Variants in WWOX observed in about 807,000 individuals in gnomAD.
The protein encoded by WWOX is WW domain containing oxidoreductase.
In WWOX, 69 loss-of-function variants were observed where a neutral mutation model predicts 46.2. The ratio of observed to expected loss-of-function variants is 1.49; its 90% CI spans 1.23 to 1.82. WWOX has a LOEUF of 1.82. Among genes scored for constraint, WWOX ranks in the 40% most tolerant of loss-of-function variants. WWOX has a pLI of 0.00. For synonymous variants in WWOX, 359 were observed against 202.6 expected (o/e 1.77, Z -6.56); for missense variants, 919 against 542.6 (o/e 1.69, Z -6.89).
rs1214329857 is a variant in WWOX at position 78,353,817 on chromosome 16, C to T, written c.517-33043C>T. ...AAGGTCAGCAGTTAGCGTCAAGTTG[C>T]ACAGCCTGGGCTTGGGTGGCGTTCG... is the stretch of plus-strand genomic sequence containing the variant. On this transcript the variant is annotated intron_variant, in intron 5 of 8. Transcript: ENST00000566780. Among the ~76,000 whole-genome samples, 6 of 152,338 alleles carry T rather than the reference C, an allele frequency of 3.9e-5. 1 individual carries two copies. In the East Asian group the frequency reaches 7.7e-4, roughly 20 times the overall value.
At chr16:78,788,580 G>T (rs1167503178) in intron 8 of WWOX, among the ~76,000 whole-genome samples, 1 of 152,180 alleles carries the variant, frequency 6.6e-6, no homozygotes, top group Non-Finnish European at 1.5e-5. Flanking sequence ...GCCTAGGAAG[G>T]GCTGGAAAGC....
chr16:79,195,888 G>A (rs975513983), intron 8 of WWOX, among the ~76,000 whole-genome samples: 1 of 152,186 alleles, frequency 6.6e-6, no homozygotes, highest in Non-Finnish European at 1.5e-5. Flanking sequence ...CATTTCCTGC[G>A]TCACTGTTTT....
intron 8 of WWOX, among the ~76,000 whole-genome samples, chr16:78,650,192 G>C (rs1479166007): frequency 6.6e-6 from 1 of 152,130 alleles, no homozygotes; most frequent in Admixed American, 6.5e-5. Flanking sequence ...TGCATAAAAA[G>C]GATCTCATTT....
chr16:78,923,309 C>A (rs999095728), intron 8 of WWOX, among the ~76,000 whole-genome samples: 1 of 152,092 alleles, frequency 6.6e-6, no homozygotes, highest in African/African-American at 2.4e-5. Context: ...CTCCTTCTAC[C>A]TTGCCCACCA....
intron 8 of WWOX, chr16:78,553,113 C>G (rs1386101606): frequency 1.3e-5 from 2 of 152,194 alleles, no homozygotes; most frequent in African/African-American, 4.8e-5. Context: ...ACAACACACA[C>G]TGGGGCTTGT....
chr16:78,990,472 G>C (rs967616177), intron 8 of WWOX, among the ~76,000 whole-genome samples: 3 of 152,150 alleles, frequency 2.0e-5, no homozygotes, highest in African/African-American at 7.2e-5. Context: ...AAGGTCAACA[G>C]CTGTGTTACT....
At chr16:78,990,669 AAGAG>A (rs1343042159) in intron 8 of WWOX, among the ~76,000 whole-genome samples, 1 of 152,272 alleles carries the variant, frequency 6.6e-6, no homozygotes, top group African/African-American at 2.4e-5. Flanking sequence ...AGGAAGGAAA[AAGAG>A]AGAGGGAGAA....
intron 8 of WWOX, among the ~76,000 whole-genome samples, chr16:78,581,666 C>T (rs960250278): frequency 2.0e-5 from 3 of 152,090 alleles, no homozygotes; most frequent in African/African-American, 7.2e-5. Context: ...AAATGCTACC[C>T]ATAGATTGAA....
At chr16:78,693,968 C>T (rs930322206) in intron 8 of WWOX, among the ~76,000 whole-genome samples, 1 of 152,176 alleles carries the variant, frequency 6.6e-6, no homozygotes, top group African/African-American at 2.4e-5. Context: ...CGTGGTGGCT[C>T]ATACCTGTAA....
chr16:79,079,548 C>G (rs754333124), intron 8 of WWOX, among the ~76,000 whole-genome samples: 5 of 152,160 alleles, frequency 3.3e-5, no homozygotes, highest in Admixed American at 6.5e-5. Flanking sequence ...TTGCACTTCC[C>G]CTAGTCACCT....
chr16:78,937,295 A>T (rs528430173), intron 8 of WWOX, among the ~76,000 whole-genome samples: 36 of 152,270 alleles, frequency 2.4e-4, no homozygotes, highest in South Asian at 4.1e-4. Flanking sequence ...CTGATTCTCC[A>T]ATACACCTGC....
intron 8 of WWOX, among the ~76,000 whole-genome samples, chr16:78,827,851 A>G (rs2051705821): frequency 6.6e-6 from 1 of 152,098 alleles, no homozygotes; most frequent in South Asian, 2.1e-4. Flanking sequence ...GAGAAAAACA[A>G]CAACAACAAA....
At chr16:78,356,328 T>TA (rs11376355) in intron 5 of WWOX, among the ~76,000 whole-genome samples, 112,495 of 151,898 alleles carry the variant, frequency 0.74, 43,117 homozygotes, top group African/African-American at 0.84. Context: ...ATATTCAAAA[T>TA]ACTCAACTTG....
intron 8 of WWOX, among the ~76,000 whole-genome samples, chr16:79,090,706 G>A (rs1407196710): frequency 1.3e-5 from 2 of 152,204 alleles, no homozygotes; most frequent in African/African-American, 2.4e-5. Context: ...TCCCGAGTGA[G>A]GCACATGCTC....
intron 4 of WWOX, among the ~76,000 whole-genome samples, chr16:78,152,499 A>C (rs867321781): frequency 6.6e-6 from 1 of 152,064 alleles, no homozygotes; most frequent in African/African-American, 2.4e-5. Context: ...GCCATTTCCT[A>C]TCCCCCATCC....
Position 78,164,212 on chromosome 16 carries a change from C to G in WWOX, c.439C>G (p.His147Asp). The G allele has an allele frequency of 6.2e-7, 1 of 1,614,122 alleles. No individual in the cohort carries two copies. The highest frequency in any genetic ancestry group is 1.3e-5 in the African/African-American group (1 of 75,046). The change falls in exon 5 of 9, where the codon CAT becomes GAT. Residue 147 changes from histidine to aspartate, a missense_variant. By Grantham distance (81) the His-to-Asp change is moderately conservative (BLOSUM62 -1). Coordinates refer to ENST00000566780, the MANE Select transcript of WWOX (RefSeq NM_016373.4). The stretch of plus-strand genomic sequence containing the variant: ...CGAAACCGCCAAGTCTTTTGCCCTC[C>G]ATGGTGCACATGTGATCTTGGCCTG... ...GFETAKSFAL[H>D]GAHVILACRN...
At position 78,584,815 on chromosome 16, in the gene WWOX, C is replaced by T. The variant is rs182981735; in HGVS notation, c.1056+152063C>T. On this transcript the variant is annotated intron_variant, in intron 8 of 8. Coordinates refer to ENST00000566780, the MANE Select transcript of WWOX (RefSeq NM_016373.4). ...TGATGTGATCACTTGGCCGTGTGCA[C>T]GTGTAAAAGTTCAAGCTATATGCTT... Among the ~76,000 whole-genome samples, 647 of 152,266 alleles carry T rather than the reference C, an allele frequency of 4.2e-3. 2 individuals are homozygous for T. Among genetic ancestry groups the T allele is most frequent in the Non-Finnish European group, 6.8e-3 (461 of 68,022 alleles).
chr16:78,978,384 T>A (rs1267499525), intron 8 of WWOX, among the ~76,000 whole-genome samples: 1 of 152,186 alleles, frequency 6.6e-6, no homozygotes, highest in African/African-American at 2.4e-5. Context: ...CACGCAGTAA[T>A]TCTTTTTAAC....
chr16:78,109,960 G>A, intron 3 of WWOX, 125 bp downstream of exon 3: 2 of 1,034,214 alleles, frequency 1.9e-6, no homozygotes, highest in South Asian at 2.8e-5. Flanking sequence ...TGTAATCTTA[G>A]CAGAAGTGAC....
Sources: allele counts gnomAD v4.1 joint callset (sites outside exome capture counted in the v4.1 genomes callset), GRCh38; gene constraint gnomAD v4.1.1; transcripts MANE v1.5; gene names NCBI Gene and HGNC (gene_info 2026-07-23, HGNC 2026-07-21).